Variants in NBAS observed in about 807,000 individuals in gnomAD.
The protein encoded by NBAS is NBAS subunit of NRZ tethering complex, also known as NAG/BC035112 fusion.
A neutral mutation model predicts 302.5 loss-of-function variants in NBAS; 219 were observed. The observed-to-expected ratio is 0.72, with a 90% CI of 0.65 to 0.81. The LOEUF (loss-of-function observed/expected upper bound fraction) is 0.81. Ranked by LOEUF, NBAS falls within the 30% of genes least tolerant of loss-of-function variation. The pLI is 0.00. For synonymous variants in NBAS, 1,118 were observed against 1,021.6 expected, an observed-to-expected ratio of 1.09 and a Z score of -1.80; for missense variants, 2,932 against 2,841.6, an observed-to-expected ratio of 1.03 and a Z score of -0.72.
intron 33 of NBAS, 108 bp downstream of exon 33, chr2:15,356,195 A>G: frequency 1.2e-6 from 1 of 868,360 alleles, no homozygotes; most frequent in Non-Finnish European, 2.0e-6. Context: ...CTCAAGCCTC[A>G]ATGTGGCTGG....
chr2:15,139,900 C>T, the NBAS span, among the ~76,000 whole-genome samples: 1 of 152,172 alleles, frequency 6.6e-6, no homozygotes, highest in Non-Finnish European at 1.5e-5. Flanking sequence ...GCCGCAGTAA[C>T]ATCTTTCATC....
At chr2:15,396,496 A>G (rs1435200292) in intron 26 of NBAS, 21 bp from the exon 27 acceptor site, 12 of 1,535,632 alleles carry the variant, frequency 7.8e-6, no homozygotes, top group African/African-American at 4.2e-5. Flanking sequence ...AAAAGAAGAA[A>G]AAAAAAAGCC....
At chr2:15,082,563 T>C in the NBAS span, among the ~76,000 whole-genome samples, 3 of 152,202 alleles carry the variant, frequency 2.0e-5, no homozygotes, top group South Asian at 2.1e-4. Flanking sequence ...TCCTACTTGG[T>C]TATGCTCTTA....
intron 44 of NBAS, among the ~76,000 whole-genome samples, chr2:15,261,794 G>A (rs1480125179): frequency 6.6e-6 from 1 of 152,090 alleles, no homozygotes; most frequent in African/African-American, 2.4e-5. Flanking sequence ...AGCACATACA[G>A]GCCTTAACAA....
intron 38 of NBAS, among the ~76,000 whole-genome samples, chr2:15,313,080 C>T (rs1204871043): frequency 2.6e-5 from 4 of 152,038 alleles, no homozygotes; most frequent in African/African-American, 9.7e-5. Flanking sequence ...CATTAGTTTC[C>T]CATTCCCTAA....
the NBAS span, among the ~76,000 whole-genome samples, chr2:14,831,090 T>C: frequency 6.6e-6 from 1 of 152,218 alleles, no homozygotes; most frequent in Admixed American, 6.5e-5. Context: ...CCTGAAATCA[T>C]GCTTTGTGCC....
At chr2:15,157,073 G>A in the NBAS span, among the ~76,000 whole-genome samples, 1 of 152,114 alleles carries the variant, frequency 6.6e-6, no homozygotes, top group East Asian at 1.9e-4. Context: ...ATGCAAACCA[G>A]GAGGTCAATG....
At chr2:15,473,643 C>T (rs73200676) in intron 15 of NBAS, among the ~76,000 whole-genome samples, 6,411 of 152,254 alleles carry the variant, frequency 0.042, 428 homozygotes, top group African/African-American at 0.14. Context: ...AGAGCTCCTA[C>T]CACGACATTG....
chr2:15,328,193 C>G lies in NBAS; in HGVS notation c.4461+6G>C, dbSNP rs556857603. The stretch of plus-strand genomic sequence containing the variant: ...AAATCTATCTTCCTAGACACGCTGT[C>G]CTTACCTCAGCGACAAAAGGATTTG... On this transcript the variant is annotated splice_donor_region_variant and intron_variant, in intron 37 of 51. Transcript: ENST00000281513. 4.3e-6 allele frequency: 7 copies of G among 1,609,770 alleles called. No homozygotes were observed. In the African/African-American group the frequency reaches 9.4e-5, roughly 22 times the overall value.
Position 15,415,653 on chromosome 2 carries a change from T to C in NBAS, c.2830A>G (p.Lys944Glu). 6.2e-7 allele frequency: 1 copy of C among 1,614,162 alleles called. No homozygotes were observed. The highest frequency in any genetic ancestry group is 1.7e-5 in the Admixed American group (1 of 60,024). ...TCATTAGCCACACCAGGCGACTGTTTCTCACAACGATGAAGAAAGGGAACC... is the reference window on the plus strand; with the variant it reads ...TCATTAGCCACACCAGGCGACTGTTCCTCACAACGATGAAGAAAGGGAACC... Reference protein sequence around the residue: ...WMVPFLHRCEKQSPGVANELL... With the variant: ...WMVPFLHRCEEQSPGVANELL... Residue 944 changes from lysine (K) to glutamate (E), a missense_variant, in exon 25 of 52, where the codon AAA becomes GAA. Physicochemically the swap from Lys to Glu is moderately conservative, Grantham distance 56 (BLOSUM62 1). Transcript: ENST00000281513.
the NBAS span, among the ~76,000 whole-genome samples, chr2:15,087,373 G>A: frequency 6.6e-6 from 1 of 152,206 alleles, no homozygotes; most frequent in Non-Finnish European, 1.5e-5. Context: ...CACATAGTAA[G>A]AAGTAGTTAG....
At chr2:15,521,399 G>C (rs1336604929) in intron 9 of NBAS, among the ~76,000 whole-genome samples, 1 of 152,106 alleles carries the variant, frequency 6.6e-6, no homozygotes, top group Non-Finnish European at 1.5e-5. Context: ...GTTCCACCTA[G>C]CTCTTACGTT....
At chr2:15,222,447 A>T (rs12997504) in intron 47 of NBAS, among the ~76,000 whole-genome samples, 5,391 of 152,318 alleles carry the variant, frequency 0.035, 133 homozygotes, top group Middle Eastern at 0.065. Flanking sequence ...GTTGTCATGA[A>T]GACAAGCTGG....
chr2:15,077,912 G>A, the NBAS span, among the ~76,000 whole-genome samples: 1 of 151,994 alleles, frequency 6.6e-6, no homozygotes. Flanking sequence ...TCGAACTCCT[G>A]ACCTTGTGAT....
At chr2:14,933,308 C>T in the NBAS span, among the ~76,000 whole-genome samples, 19 of 152,100 alleles carry the variant, frequency 1.2e-4, no homozygotes, top group Non-Finnish European at 2.4e-4. Context: ...GAAATTTACC[C>T]TTTAATATCA....
chr2:14,949,391 CA>C, the NBAS span, among the ~76,000 whole-genome samples: 8 of 151,850 alleles, frequency 5.3e-5, no homozygotes, highest in Non-Finnish European at 1.2e-4. Context: ...AACTCAATAG[CA>C]AAAAACAAAT....
At chr2:15,267,945 C>T (rs970584274) in intron 44 of NBAS, among the ~76,000 whole-genome samples, 4 of 152,052 alleles carry the variant, frequency 2.6e-5, no homozygotes, top group Non-Finnish European at 5.9e-5. Flanking sequence ...ATTATTAAGC[C>T]TATAAAGTCT....
chr2:15,443,197 CA>C (rs1288305501), intron 21 of NBAS, among the ~76,000 whole-genome samples: 2 of 148,268 alleles, frequency 1.3e-5, no homozygotes, highest in African/African-American at 5.1e-5. Context: ...AGAGACACAA[CA>C]AAAAAAAGAA....
At chr2:15,543,962 C>G (rs1430572289) in intron 6 of NBAS, among the ~76,000 whole-genome samples, 2 of 152,142 alleles carry the variant, frequency 1.3e-5, no homozygotes, top group Admixed American at 6.5e-5. Context: ...AACAAACACC[C>G]AAATTCTCAA....
Sources: gnomAD v4.1 joint callset for allele counts (sites outside exome capture counted in the v4.1 genomes callset) on GRCh38, gnomAD v4.1.1 for gene constraint, MANE v1.5 for transcripts, NCBI Gene and HGNC (gene_info 2026-07-23, HGNC 2026-07-21) for gene names.